The following SBNO2 variants were observed in gnomAD, a reference collection of about 807,000 sequenced individuals.
The protein encoded by SBNO2 is protein strawberry notch homolog 2.
Under a neutral mutation model 146.3 loss-of-function variants are expected in SBNO2, and 89 were observed. That is an observed-to-expected ratio of 0.61 (90% CI 0.51 to 0.73). SBNO2 has a LOEUF of 0.73. Ranked by LOEUF, SBNO2 falls within the 30% of genes least tolerant of loss-of-function variation. The pLI is 0.00. For synonymous variants in SBNO2, 1,147 were observed against 892.6 expected (o/e 1.29, Z -5.08); for missense variants, 2,092 against 2,003.7 (o/e 1.04, Z -0.84).
intron 3 of SBNO2, among the ~76,000 whole-genome samples, chr19:1,148,050 C>T (rs4072411): frequency 0.048 from 7,293 of 152,168 alleles, 376 homozygotes; most frequent in East Asian, 0.26. Context: ...CCAGCTCCTG[C>T]GCTTGGGAGA....
chr19:1,118,270 G>A (rs1421616604), intron 14 of SBNO2, among the ~76,000 whole-genome samples: 3 of 151,994 alleles, frequency 2.0e-5, no homozygotes, highest in Non-Finnish European at 2.9e-5. Context: ...TCTGGTAGGC[G>A]GAGGTTGCGG....
At chr19:1,169,834 G>C (rs769259710) in intron 1 of SBNO2, among the ~76,000 whole-genome samples, 3 of 152,132 alleles carry the variant, frequency 2.0e-5, no homozygotes, top group African/African-American at 7.2e-5. Flanking sequence ...ATGACTCAAC[G>C]GTTTCAACGT....
intron 1 of SBNO2, among the ~76,000 whole-genome samples, chr19:1,164,447 GAGA>G (rs1568643555): frequency 8.1e-6 from 1 of 123,232 alleles, no homozygotes; most frequent in Non-Finnish European, 1.8e-5. Context: ...GGAGGAGGAG[GAGA>G]AACAGGTGCT....
At chr19:1,163,681 G>T (rs529370697) in intron 1 of SBNO2, among the ~76,000 whole-genome samples, 1 of 152,224 alleles carries the variant, frequency 6.6e-6, no homozygotes, top group African/African-American at 2.4e-5. Context: ...ACCCTGCCAC[G>T]CGCAGGCACA....
At chr19:1,120,057 G>A in intron 11 of SBNO2, 34 bp from the exon 12 acceptor site, 1 of 1,522,316 alleles carries the variant, frequency 6.6e-7, no homozygotes, top group South Asian at 1.2e-5. Flanking sequence ...GTATTCTGAA[G>A]GACGGGGGCG....
intron 4 of SBNO2, among the ~76,000 whole-genome samples, chr19:1,142,705 G>A (rs1281941177): frequency 6.6e-6 from 1 of 151,856 alleles, no homozygotes; most frequent in Non-Finnish European, 1.5e-5. Context: ...AGGTGCGGTG[G>A]CTCATGCCTG....
At chr19:1,171,588 C>A (rs558975843) in intron 1 of SBNO2, among the ~76,000 whole-genome samples, 3 of 152,190 alleles carry the variant, frequency 2.0e-5, no homozygotes, top group Admixed American at 2.0e-4. Context: ...CGGACTGGTT[C>A]TGTCGACACA....
chr19:1,116,161 C>T, intron 16 of SBNO2, 58 bp from the exon 17 acceptor site: 1 of 1,527,298 alleles, frequency 6.5e-7, no homozygotes. Flanking sequence ...GGCGGGGTTG[C>T]TCTCCAGGAG....
chr19:1,161,718 AAAGTTCTC>A (rs2080347005), intron 1 of SBNO2, among the ~76,000 whole-genome samples: 1 of 151,878 alleles, frequency 6.6e-6, no homozygotes, highest in Non-Finnish European at 1.5e-5. Flanking sequence ...AAATTTTCTA[AAAGTTCTC>A]AAGTCTGCTG....
rs1006628285 is a variant in SBNO2, at chr19:1,144,247, C to T, written c.279+3062G>A. 1.3e-5 allele frequency among the ~76,000 whole-genome samples: 2 copies of T among 152,188 alleles called. No individual in the cohort carries two copies. Among genetic ancestry groups the T allele is most frequent in the East Asian group, 1.9e-4 (1 of 5,194 alleles). On this transcript the variant is annotated intron_variant, in intron 4 of 31. Transcript: ENST00000361757. The surrounding 1 kb of genome is among the most constrained non-coding windows in gnomAD (Gnocchi z 4.1). Reference sequence around the variant, plus strand: ...CTGAGCTGACCCACACCCGTCCCATCCCACACTCAGCACTGGGGGACCACG... The same window carrying T: ...CTGAGCTGACCCACACCCGTCCCATTCCACACTCAGCACTGGGGGACCACG...
At position 1,155,091 on chromosome 19, in the gene SBNO2, G is replaced by C. The variant is rs1400852307; in HGVS notation, c.-126-689C>G. 5.9e-5 allele frequency: 9 copies of C among 152,322 alleles called. No individual in the cohort carries two copies. In the East Asian group the frequency reaches 9.7e-4, roughly 16 times the overall value. 9.4% of individuals were successfully genotyped at this position (152,322 alleles called of 1,614,324 possible). A position where few individuals can be genotyped will look rare whatever the true frequency, so the allele number is the denominator to read the frequency against. On this transcript the variant is annotated intron_variant, in intron 1 of 31. Transcript: ENST00000361757. ...GAGCCCCCACCAGGCCCTACCTGGC[G>C]AGTGCAGGGACCCAGGCTGGCCCGT...
rs1286056114 is a variant in SBNO2, at chr19:1,150,690, C to T, written c.94-1248G>A. On this transcript the variant is annotated intron_variant, in intron 2 of 31. Transcript: ENST00000361757. This position sits in a 1 kb window ranked among gnomAD's most constrained non-coding sequence, Gnocchi z 6.2. ...GCTTCCCTGAGTCCCCCAGTGACCT[C>T]TCCCAGGCCCACGTGAGCCCTGCTC... Among the ~76,000 whole-genome samples, 2 of 152,178 alleles carry T rather than the reference C, an allele frequency of 1.3e-5. No homozygotes were observed. Among genetic ancestry groups the T allele is most frequent in the Non-Finnish European group, 2.9e-5 (2 of 68,006 alleles).
Position 1,112,549 on chromosome 19 carries a change from G to A in SBNO2, c.2380-12C>T, listed in dbSNP as rs766244170. ...ATGATGGCCACGAGCTAGGGGGAAA[G>A]AAGGGGCCGGGACACGGTTGGTGCA... On this transcript the variant is annotated splice_polypyrimidine_tract_variant and intron_variant, in intron 20 of 31. Coordinates refer to ENST00000361757, the MANE Select transcript of SBNO2 (RefSeq NM_014963.3). This position sits in a 1 kb window ranked among gnomAD's most constrained non-coding sequence, Gnocchi z 5.9. 5 of 1,591,770 alleles carry A rather than the reference G, an allele frequency of 3.1e-6. No homozygotes were observed. Among genetic ancestry groups the A allele is most frequent in the East Asian group, 2.3e-5 (1 of 44,410 alleles).
intron 2 of SBNO2, among the ~76,000 whole-genome samples, chr19:1,153,220 T>C (rs1177312468): frequency 6.6e-6 from 1 of 151,214 alleles, no homozygotes; most frequent in Non-Finnish European, 1.5e-5. Context: ...TACACGTTTA[T>C]ATATTTTTAA....
chr19:1,164,669 CAGGAGG>C lies in SBNO2; in HGVS notation c.-127+9497_-127+9502del, dbSNP rs1269073805. 1.7e-3 allele frequency among the ~76,000 whole-genome samples: 15 copies of C among 8,660 alleles called. 2 individuals carry two copies. The highest frequency in any genetic ancestry group is 5.7e-3 in the African/African-American group (13 of 2,288). 5.7% of individuals were successfully genotyped at this position (8,660 alleles called of 152,430 possible). On this transcript the variant is annotated intron_variant, in intron 1 of 31. Coordinates refer to ENST00000361757, the MANE Select transcript of SBNO2 (RefSeq NM_014963.3). ...GGAACAGGAGGAGGAGGAGGAGGAA[CAGGAGG>C]AGGAGGAGGAGGAGGAGGAAGAACA...
intron 4 of SBNO2, among the ~76,000 whole-genome samples, chr19:1,132,720 C>A (rs2080045096): frequency 6.6e-6 from 1 of 152,168 alleles, no homozygotes; most frequent in South Asian, 2.1e-4. Context: ...GAAGCCCCTG[C>A]CGCCGAAGCA....
rs1419544812 is a variant in SBNO2, at chr19:1,110,249, C to T, written c.3029-472G>A. Among the ~76,000 whole-genome samples, 2 of 152,144 alleles carry T rather than the reference C, an allele frequency of 1.3e-5. No homozygotes were observed. Among genetic ancestry groups the T allele is most frequent in the African/African-American group, 2.4e-5 (1 of 41,422 alleles). On this transcript the variant is annotated intron_variant, in intron 26 of 31. Coordinates refer to ENST00000361757, the MANE Select transcript of SBNO2 (RefSeq NM_014963.3). This position sits in a 1 kb window ranked among gnomAD's most constrained non-coding sequence, Gnocchi z 4.9. ...CCCGGACCCGACCCTCATCTGGACACAGGGAAGTGGTCCTGATGGACAGGC... is the reference window on the plus strand; with the variant it reads ...CCCGGACCCGACCCTCATCTGGACATAGGGAAGTGGTCCTGATGGACAGGC...
At chr19:1,145,380 G>A (rs1180489261) in intron 4 of SBNO2, among the ~76,000 whole-genome samples, 2 of 151,312 alleles carry the variant, frequency 1.3e-5, no homozygotes, top group Non-Finnish European at 2.9e-5. Context: ...GGCTGAGGCA[G>A]GAAAATCGCT....
In SBNO2 at chr19:1,165,963, C is replaced by T. The variant is rs1209811491; in HGVS notation, c.-127+8209G>A. Among the ~76,000 whole-genome samples the T allele has an allele frequency of 2.0e-5, 3 of 148,368 alleles. 1 individual carries two copies. The highest frequency in any genetic ancestry group is 4.5e-5 in the Non-Finnish European group (3 of 67,038). On this transcript the variant is annotated intron_variant, in intron 1 of 31. Coordinates refer to ENST00000361757, the MANE Select transcript of SBNO2 (RefSeq NM_014963.3). ...ACCCCAGATCCTAGATCTCAGACCCCAGATCCCAGATCCCAGACCGCAAGA... is the reference window on the plus strand; with the variant it reads ...ACCCCAGATCCTAGATCTCAGACCCTAGATCCCAGATCCCAGACCGCAAGA...
Sources: allele counts gnomAD v4.1 joint callset (sites outside exome capture counted in the v4.1 genomes callset), GRCh38; gene constraint gnomAD v4.1.1; non-coding constraint Gnocchi (gnomAD v3.1); transcripts MANE v1.5; gene names NCBI Gene and HGNC (gene_info 2026-07-23, HGNC 2026-07-21).